CAMTA1: variants seen among roughly 807,000 people sequenced by gnomAD.
The protein encoded by CAMTA1 is calmodulin binding transcription activator 1.
A neutral mutation model predicts 170.9 loss-of-function variants in CAMTA1; 27 were observed. That is an observed-to-expected ratio of 0.16 (90% CI 0.12 to 0.22). CAMTA1 has a LOEUF of 0.22. Among genes scored for constraint, CAMTA1 ranks in the 10% least tolerant of loss-of-function variants. The pLI is 1.00. For missense variants in CAMTA1, 1,619 were observed against 2,217.2 expected, an observed-to-expected ratio of 0.73 and a Z score of 5.42; for synonymous variants, 833 against 891.5, an observed-to-expected ratio of 0.93 and a Z score of 1.17.
chr1:7,434,857 A>G (rs1194701625), intron 5 of CAMTA1, among the ~76,000 whole-genome samples: 1 of 149,324 alleles, frequency 6.7e-6, no homozygotes, highest in African/African-American at 2.5e-5. Context: ...CCTGGGCAAC[A>G]TGGCAAAATC....
At chr1:7,429,332 T>C (rs1216866227) in intron 5 of CAMTA1, among the ~76,000 whole-genome samples, 2 of 152,218 alleles carry the variant, frequency 1.3e-5, no homozygotes, top group African/African-American at 4.8e-5. Context: ...ACTATTCGCA[T>C]GGTGATGATG....
intron 16 of CAMTA1, among the ~76,000 whole-genome samples, chr1:7,743,130 A>C (rs997269275): frequency 6.6e-6 from 1 of 152,204 alleles, no homozygotes; most frequent in Non-Finnish European, 1.5e-5. Flanking sequence ...CTGAGATTAC[A>C]GGCCTGAGCC....
chr1:7,539,306 AG>A (rs1414495685), intron 6 of CAMTA1, among the ~76,000 whole-genome samples: 1 of 152,204 alleles, frequency 6.6e-6, no homozygotes, highest in Non-Finnish European at 1.5e-5. Context: ...ACACCCTCTC[AG>A]GCTATCTCCC....
At chr1:7,551,520 G>A (rs142328239) in intron 6 of CAMTA1, among the ~76,000 whole-genome samples, 1,633 of 152,302 alleles carry the variant, frequency 0.011, 16 homozygotes, top group Admixed American at 0.018. Context: ...GTGTCTTCCA[G>A]GCAACTTCCT....
chr1:6,994,807 A>G (rs141412172), intron 3 of CAMTA1, among the ~76,000 whole-genome samples: 120 of 152,184 alleles, frequency 7.9e-4, no homozygotes, highest in African/African-American at 2.7e-3. Flanking sequence ...AGCTGGGACT[A>G]CAGGCGTGCA....
intron 5 of CAMTA1, among the ~76,000 whole-genome samples, chr1:7,429,222 T>C (rs1444515488): frequency 1.3e-5 from 2 of 152,238 alleles, no homozygotes; most frequent in African/African-American, 2.4e-5. Flanking sequence ...CACAATTGGA[T>C]ACACGTACCT....
intron 5 of CAMTA1, among the ~76,000 whole-genome samples, chr1:7,335,499 G>A (rs938896275): frequency 6.6e-6 from 1 of 152,110 alleles, no homozygotes; most frequent in Admixed American, 6.5e-5. Flanking sequence ...CCAACTTCCC[G>A]CCTGATGCCC....
intron 5 of CAMTA1, among the ~76,000 whole-genome samples, chr1:7,379,538 G>A (rs888953055): frequency 3.3e-5 from 5 of 152,142 alleles, no homozygotes; most frequent in East Asian, 1.9e-4. Flanking sequence ...ATTTCAAACC[G>A]CTGGCAGAAA....
At chr1:7,015,844 C>G (rs1700452334) in intron 3 of CAMTA1, among the ~76,000 whole-genome samples, 1 of 151,542 alleles carries the variant, frequency 6.6e-6, no homozygotes, top group African/African-American at 2.4e-5. Context: ...CCTCAGGAAA[C>G]TTACAATCAT....
intron 5 of CAMTA1, among the ~76,000 whole-genome samples, chr1:7,255,611 T>C (rs1667250549): frequency 1.3e-5 from 2 of 152,350 alleles, no homozygotes; most frequent in African/African-American, 4.8e-5. Context: ...AGTGTTCAGG[T>C]TGCCTTCCTA....
chr1:7,278,599 C>T (rs989791088), intron 5 of CAMTA1, among the ~76,000 whole-genome samples: 3 of 152,248 alleles, frequency 2.0e-5, no homozygotes, highest in Non-Finnish European at 2.9e-5. Flanking sequence ...GTCACAGATC[C>T]GTGGATCAAA....
intron 4 of CAMTA1, among the ~76,000 whole-genome samples, chr1:7,103,787 G>A (rs1305492880): frequency 1.5e-5 from 2 of 134,282 alleles, no homozygotes; most frequent in Non-Finnish European, 3.1e-5. Context: ...ATAACTACAC[G>A]TACATACAAC....
chr1:7,457,462 C>T (rs955473036), intron 5 of CAMTA1, among the ~76,000 whole-genome samples: 1 of 152,046 alleles, frequency 6.6e-6, no homozygotes, highest in Non-Finnish European at 1.5e-5. Flanking sequence ...GTGCCAGCCT[C>T]CTAGGGGACT....
intron 3 of CAMTA1, among the ~76,000 whole-genome samples, chr1:7,016,157 T>C (rs1700506522): frequency 6.6e-6 from 1 of 152,184 alleles, no homozygotes; most frequent in African/African-American, 2.4e-5. Context: ...CACCATGGGT[T>C]GGTCTTTTTG....
chr1:7,491,723 C>T (rs777630621), intron 6 of CAMTA1, among the ~76,000 whole-genome samples: 6 of 152,194 alleles, frequency 3.9e-5, no homozygotes, highest in Non-Finnish European at 7.3e-5. Context: ...TTCAAGGCAT[C>T]CTTTATCTTT....
intron 5 of CAMTA1, among the ~76,000 whole-genome samples, chr1:7,381,156 A>G (rs1445541012): frequency 6.6e-6 from 1 of 151,740 alleles, no homozygotes; most frequent in Non-Finnish European, 1.5e-5. Context: ...TTTTTTATTT[A>G]TTTATTTATT....
chr1:6,836,024 G>A (rs1302098474), intron 3 of CAMTA1, among the ~76,000 whole-genome samples: 1 of 152,118 alleles, frequency 6.6e-6, no homozygotes, highest in Admixed American at 6.6e-5. Context: ...GAACCTTAAA[G>A]CTGAGTGTCA....
At chr1:7,725,625 G>A (rs2096679895) in intron 11 of CAMTA1, among the ~76,000 whole-genome samples, 1 of 152,194 alleles carries the variant, frequency 6.6e-6, no homozygotes, top group Admixed American at 6.5e-5. Flanking sequence ...GGAGAGAGGA[G>A]TCATTCTTTC....
rs151171782 is a variant in CAMTA1, at chr1:7,103,433, C to CA, written c.302+12063dup. Reference sequence around the variant, plus strand: ...CACACACAGCACACACACCTACACACACTACACACATGCACACACAACTAC... The same window carrying CA: ...CACACACAGCACACACACCTACACACAACTACACACATGCACACACAACTAC... On this transcript the variant is annotated intron_variant, in intron 4 of 22. Transcript: ENST00000303635. Among the ~76,000 whole-genome samples, 74 of 149,894 alleles carry CA rather than the reference C, an allele frequency of 4.9e-4. 1 individual carries two copies. In the East Asian group the frequency reaches 0.012, roughly 24 times the overall value.
Sources: allele counts gnomAD v4.1 joint callset (sites outside exome capture counted in the v4.1 genomes callset), GRCh38; gene constraint gnomAD v4.1.1; transcripts MANE v1.5; gene names NCBI Gene and HGNC (gene_info 2026-07-23, HGNC 2026-07-21).